Variants in NRXN1 observed in about 807,000 individuals in gnomAD.
NRXN1 encodes neurexin-1.
Under a neutral mutation model 150.9 loss-of-function variants are expected in NRXN1, and 39 were observed. The ratio of observed to expected loss-of-function variants is 0.26; its 90% confidence interval spans 0.20 to 0.34. The LOEUF is 0.34. Among genes scored for constraint, NRXN1 ranks in the 10% least tolerant of loss-of-function variants. The pLI is 1.00. For synonymous variants in NRXN1, 924 were observed against 757.0 expected, an observed-to-expected ratio of 1.22 and a Z score of -3.62; for missense variants, 1,815 against 1,949.9, an observed-to-expected ratio of 0.93 and a Z score of 1.30.
chr2:50,631,088 TA>T, intron 5 of NRXN1: 1 of 452,742 alleles, frequency 2.2e-6, no homozygotes, highest in African/African-American at 2.1e-5. Flanking sequence ...TTATTACAAG[TA>T]AAAATCACAT....
At chr2:51,010,186 G>A (rs1181741360) in intron 2 of NRXN1, among the ~76,000 whole-genome samples, 3 of 151,936 alleles carry the variant, frequency 2.0e-5, no homozygotes, top group Non-Finnish European at 4.4e-5. Flanking sequence ...AAGATGGAGA[G>A]TCACCAACTT....
chr2:50,091,060 T>A (rs1699486763), intron 19 of NRXN1, among the ~76,000 whole-genome samples: 1 of 152,252 alleles, frequency 6.6e-6, no homozygotes, highest in South Asian at 2.1e-4. Context: ...TTGTGCTTTT[T>A]ATGTGTGCAT....
intron 5 of NRXN1, among the ~76,000 whole-genome samples, chr2:50,725,216 T>A (rs949956538): frequency 2.0e-5 from 3 of 152,144 alleles, no homozygotes; most frequent in Non-Finnish European, 2.9e-5. Context: ...CCTTTTTTTT[T>A]TAACCTATTA....
chr2:50,579,419 GGAAGGCC>G (rs1202140718), intron 8 of NRXN1, among the ~76,000 whole-genome samples: 4 of 152,168 alleles, frequency 2.6e-5, no homozygotes, highest in Non-Finnish European at 4.4e-5. Flanking sequence ...CTGGTACTTC[GGAAGGCC>G]GAGGCAGGAG....
intron 5 of NRXN1, among the ~76,000 whole-genome samples, chr2:50,878,651 T>G (rs562740040): frequency 8.2e-4 from 124 of 151,966 alleles, no homozygotes; most frequent in Non-Finnish European, 1.4e-3. Context: ...AAGAAGAAAT[T>G]GCTCATTCCT....
At chr2:50,530,299 C>A (rs891963393) in intron 11 of NRXN1, among the ~76,000 whole-genome samples, 8 of 152,074 alleles carry the variant, frequency 5.3e-5, no homozygotes, top group Non-Finnish European at 7.4e-5. Context: ...GGGAAGAAAA[C>A]TGATTTCCAA....
At chr2:50,459,793 A>G (rs1450624462) in intron 17 of NRXN1, among the ~76,000 whole-genome samples, 1 of 152,138 alleles carries the variant, frequency 6.6e-6, no homozygotes, top group Non-Finnish European at 1.5e-5. Flanking sequence ...CAGTTTGTTC[A>G]CACGGGCTTT....
At chr2:50,065,670 G>T (rs1695247706) in intron 19 of NRXN1, among the ~76,000 whole-genome samples, 1 of 151,662 alleles carries the variant, frequency 6.6e-6, no homozygotes, top group Non-Finnish European at 1.5e-5. Context: ...GCAGTATTTT[G>T]TTTTTTTTCC....
chr2:49,994,496 C>T (rs1406177737), intron 21 of NRXN1, among the ~76,000 whole-genome samples: 1 of 152,180 alleles, frequency 6.6e-6, no homozygotes. Context: ...TTATTGCATT[C>T]TACACCCATG....
chr2:50,338,774 G>C (rs72874490), intron 17 of NRXN1, among the ~76,000 whole-genome samples: 13,192 of 151,570 alleles, frequency 0.087, 1,631 homozygotes, highest in African/African-American at 0.27. Flanking sequence ...ATCGGTTACT[G>C]TGAGAGTACT....
chr2:50,552,867 C>T lies in NRXN1; in HGVS notation c.1479G>A (p.Leu493=), dbSNP rs759087895. The change falls in exon 9 of 23, where the codon TTG becomes TTA. Residue 493 remains leucine (L), a synonymous_variant. Transcript: ENST00000401669. ...CAGTTTTCTTTGCATTCCATTTAGG[C>T]AAAGAGATGAAAGACTCTGGGGTTT... is the stretch of plus-strand genomic sequence containing the variant. The part of the protein sequence containing the change: ...TFETPESFIS[L]PKWNAKKTGS... The T allele has an allele frequency of 6.2e-7, 1 of 1,613,898 alleles. No homozygotes were observed. The highest frequency in any genetic ancestry group is 1.7e-5 in the Admixed American group (1 of 60,018).
chr2:50,348,956 T>A (rs1185850332), intron 17 of NRXN1, among the ~76,000 whole-genome samples: 1 of 152,204 alleles, frequency 6.6e-6, no homozygotes, highest in East Asian at 1.9e-4. Context: ...TAAAGTCCAG[T>A]ATTTTTTAAA....
At chr2:50,893,068 C>A (rs559910349) in intron 5 of NRXN1, among the ~76,000 whole-genome samples, 2 of 152,194 alleles carry the variant, frequency 1.3e-5, no homozygotes, top group Admixed American at 1.3e-4. Context: ...TGGCTGAGAG[C>A]CTATCAGATC....
chr2:51,015,947 G>T (rs1284668960), intron 2 of NRXN1, among the ~76,000 whole-genome samples: 1 of 152,016 alleles, frequency 6.6e-6, no homozygotes, highest in African/African-American at 2.4e-5. Flanking sequence ...AAAGCTGGAG[G>T]CATCAAGCTA....
chr2:50,001,399 T>C (rs560561124), intron 21 of NRXN1, among the ~76,000 whole-genome samples: 20 of 152,286 alleles, frequency 1.3e-4, no homozygotes, highest in African/African-American at 3.4e-4. Context: ...AGTGAATGCA[T>C]ACTAAAATTC....
intron 15 of NRXN1, among the ~76,000 whole-genome samples, chr2:50,478,894 C>T (rs966992269): frequency 1.3e-5 from 2 of 152,122 alleles, no homozygotes; most frequent in Admixed American, 6.6e-5. Context: ...ATATTTCTGA[C>T]ATTTGTTGTT....
chr2:50,834,723 T>C (rs1011912643), intron 5 of NRXN1, among the ~76,000 whole-genome samples: 1 of 152,186 alleles, frequency 6.6e-6, no homozygotes, highest in African/African-American at 2.4e-5. Flanking sequence ...ATCTTTACTA[T>C]ATTACATATA....
chr2:50,228,140 CTTA>C (rs1166758778), intron 18 of NRXN1, among the ~76,000 whole-genome samples: 1 of 151,852 alleles, frequency 6.6e-6, no homozygotes, highest in Non-Finnish European at 1.5e-5. Flanking sequence ...ATTTGAAAAG[CTTA>C]TTATGAAAAG....
chr2:50,612,425 C>T (rs1331012387), intron 8 of NRXN1, among the ~76,000 whole-genome samples: 1 of 151,974 alleles, frequency 6.6e-6, no homozygotes, highest in African/African-American at 2.4e-5. Flanking sequence ...GTTTGAAATA[C>T]CAAGTATCAA....
Sources: allele counts gnomAD v4.1 joint callset (sites outside exome capture counted in the v4.1 genomes callset), GRCh38; gene constraint gnomAD v4.1.1; transcripts MANE v1.5; gene names NCBI Gene and HGNC (gene_info 2026-07-23, HGNC 2026-07-21).